KSR2: variants seen among roughly 807,000 people sequenced by gnomAD.
KSR2 encodes the protein kinase suppressor of ras 2.
A neutral mutation model predicts 107.8 loss-of-function variants in KSR2; 25 were observed. The observed-to-expected ratio is 0.23, with a 90% CI of 0.17 to 0.32. KSR2 has a LOEUF of 0.32. KSR2 is among the 10% of genes least tolerant of loss of function. The probability of loss-of-function intolerance (pLI) is 1.00; values close to 1 mark genes in which losing one functional copy is unlikely to be tolerated. For synonymous variants in KSR2, 480 were observed against 507.0 expected (o/e 0.95, Z 0.71); for missense variants, 887 against 1,268.9 (o/e 0.70, Z 4.57).
intron 4 of KSR2, among the ~76,000 whole-genome samples, chr12:117,759,634 A>G (rs772445734): frequency 7.9e-5 from 12 of 151,556 alleles, no homozygotes; most frequent in Non-Finnish European, 1.5e-4. Context: ...ATAAATAACA[A>G]CTCCCCATTC....
intron 3 of KSR2, among the ~76,000 whole-genome samples, chr12:117,784,059 T>A (rs1476971686): frequency 6.6e-6 from 1 of 152,184 alleles, no homozygotes; most frequent in African/African-American, 2.4e-5. Context: ...TTTTAACTTT[T>A]GTTACGGATT....
chr12:117,964,684 G>A (rs375264638), intron 1 of KSR2, among the ~76,000 whole-genome samples: 6 of 152,144 alleles, frequency 3.9e-5, no homozygotes, highest in South Asian at 2.1e-4. Flanking sequence ...CCTTGAAAAC[G>A]TTATCTCTTT....
At chr12:117,714,333 C>A in intron 4 of KSR2, among the ~76,000 whole-genome samples, 1 of 151,804 alleles carries the variant, frequency 6.6e-6, no homozygotes, top group Admixed American at 6.6e-5. Context: ...TGAGGAAAGG[C>A]AAGAAAAAAG....
intron 14 of KSR2, among the ~76,000 whole-genome samples, chr12:117,508,519 T>G (rs1873838489): frequency 6.6e-6 from 1 of 152,032 alleles, no homozygotes; most frequent in Non-Finnish European, 1.5e-5. Flanking sequence ...ATGGATGGAT[T>G]GATTAATGGT....
chr12:117,772,374 TACAC>T (rs1350085224), intron 3 of KSR2, among the ~76,000 whole-genome samples: 1 of 78,708 alleles, frequency 1.3e-5, no homozygotes, highest in South Asian at 4.7e-4. Context: ...CACTCACACA[TACAC>T]ACCATTCCAC....
At chr12:117,677,294 C>T (rs1422275536) in intron 4 of KSR2, 1 of 152,038 alleles carries the variant, frequency 6.6e-6, no homozygotes, top group Non-Finnish European at 1.5e-5. Flanking sequence ...AGAGATGGAA[C>T]CTTTAAAGAG....
chr12:117,644,362 T>C (rs766272437), intron 5 of KSR2, among the ~76,000 whole-genome samples: 2 of 152,202 alleles, frequency 1.3e-5, no homozygotes, highest in Non-Finnish European at 2.9e-5. Flanking sequence ...ATGGAAGTCA[T>C]AGGTATTCAG....
chr12:117,580,309 G>C (rs959602890), intron 6 of KSR2, among the ~76,000 whole-genome samples: 5 of 152,200 alleles, frequency 3.3e-5, no homozygotes, highest in Non-Finnish European at 7.3e-5. Flanking sequence ...TTGTGAGTTG[G>C]TCAAGCCCCT....
chr12:117,867,702 C>G (rs1893521215), intron 1 of KSR2, among the ~76,000 whole-genome samples: 1 of 152,210 alleles, frequency 6.6e-6, no homozygotes, highest in South Asian at 2.1e-4. Context: ...ACCATCCTAG[C>G]GCAGTTGACA....
rs575114235 is a variant in KSR2, at chr12:117,968,612, A to G, written c.-357T>C. 2.5e-6 allele frequency: 1 copy of G among 396,630 alleles called. No homozygotes were observed. Among genetic ancestry groups the G allele is most frequent in the East Asian group, 7.8e-5 (1 of 12,852 alleles). The allele number at this position is 396,630 out of a possible 1,614,324, so 24.6% of individuals were successfully genotyped here. ...GAGGAGGAGGAAAAAGAAGAGGAGA[A>G]GGAGGAGAGAGAGGAGGAGGGAGAG... On this transcript the variant is annotated 5_prime_UTR_variant, in exon 1 of 20. Transcript: ENST00000339824.
At chr12:117,793,483 ACAT>A (rs1425370518) in intron 3 of KSR2, among the ~76,000 whole-genome samples, 15 of 149,104 alleles carry the variant, frequency 1.0e-4, no homozygotes, top group South Asian at 2.2e-4. Flanking sequence ...ATGCACACTC[ACAT>A]CAACATGCAC....
At chr12:117,566,146 C>A (rs189253541) in intron 7 of KSR2, among the ~76,000 whole-genome samples, 2 of 151,998 alleles carry the variant, frequency 1.3e-5, no homozygotes, top group Non-Finnish European at 2.9e-5. Context: ...TCAAGTAGGC[C>A]GCCATGTCTA....
At chr12:117,619,115 C>G (rs943189583) in intron 5 of KSR2, among the ~76,000 whole-genome samples, 3 of 152,096 alleles carry the variant, frequency 2.0e-5, no homozygotes, top group African/African-American at 7.2e-5. Context: ...TACTACAATG[C>G]TGTCTGCTAG....
At chr12:117,482,219 G>A (rs1377158022) in intron 16 of KSR2, among the ~76,000 whole-genome samples, 4 of 151,856 alleles carry the variant, frequency 2.6e-5, no homozygotes, top group Non-Finnish European at 4.4e-5. Flanking sequence ...GACCCCATCA[G>A]CCCCCCAGAT....
intron 5 of KSR2, among the ~76,000 whole-genome samples, chr12:117,597,517 G>A (rs1880716828): frequency 6.6e-6 from 1 of 152,186 alleles, no homozygotes; most frequent in African/African-American, 2.4e-5. Flanking sequence ...CATGAGCCAA[G>A]GAAGAAGCGC....
chr12:117,802,446 G>T (rs1026693752), intron 3 of KSR2, among the ~76,000 whole-genome samples: 3 of 152,150 alleles, frequency 2.0e-5, no homozygotes, highest in South Asian at 2.1e-4. Flanking sequence ...CAGGTCACAC[G>T]TTCAGAGATG....
At chr12:117,602,688 AT>A (rs1205226061) in intron 5 of KSR2, among the ~76,000 whole-genome samples, 1 of 152,166 alleles carries the variant, frequency 6.6e-6, no homozygotes, top group Non-Finnish European at 1.5e-5. Flanking sequence ...CCTTTTTGCT[AT>A]TATGAATATG....
intron 1 of KSR2, among the ~76,000 whole-genome samples, chr12:117,950,285 T>C (rs1291564449): frequency 6.6e-6 from 1 of 152,158 alleles, no homozygotes; most frequent in Non-Finnish European, 1.5e-5. Flanking sequence ...GCAATTTACT[T>C]TTAATACATT....
intron 5 of KSR2, among the ~76,000 whole-genome samples, chr12:117,646,919 G>A (rs1029498473): frequency 2.6e-5 from 4 of 152,274 alleles, no homozygotes; most frequent in African/African-American, 4.8e-5. Flanking sequence ...GTGTTCATGA[G>A]GCTGTGAAGG....
Sources: gnomAD v4.1 joint callset for allele counts (sites outside exome capture counted in the v4.1 genomes callset) on GRCh38, gnomAD v4.1.1 for gene constraint, MANE v1.5 for transcripts, NCBI Gene and HGNC (gene_info 2026-07-23, HGNC 2026-07-21) for gene names.